ARMC2: variants seen among roughly 807,000 people sequenced by gnomAD.
ARMC2 encodes the protein armadillo repeat-containing protein 2.
Under a neutral mutation model 90.3 loss-of-function variants are expected in ARMC2, and 67 were observed. The ratio of observed to expected loss-of-function variants is 0.74; its 90% confidence interval spans 0.61 to 0.91. The LOEUF is 0.91. Among genes scored for constraint, ARMC2 ranks in the 40% least tolerant of loss-of-function variants. ARMC2 has a pLI of 0.00. For synonymous variants in ARMC2, 393 were observed against 393.0 expected (o/e 1.00, Z 0.00); for missense variants, 920 against 1,030.9 (o/e 0.89, Z 1.47).
chr6:109,008,171 T>G, the ARMC2 span, among the ~76,000 whole-genome samples: 1 of 152,206 alleles, frequency 6.6e-6, no homozygotes, highest in Non-Finnish European at 1.5e-5. Context: ...TCTTTAGAAA[T>G]TCTAGATCTG....
chr6:108,963,438 G>C (rs2128513590), intron 15 of ARMC2, among the ~76,000 whole-genome samples: 1 of 152,204 alleles, frequency 6.6e-6, no homozygotes, highest in East Asian at 1.9e-4. Flanking sequence ...GAGCACATAT[G>C]TACGTGATGT....
chr6:109,031,214 A>G, the ARMC2 span, among the ~76,000 whole-genome samples: 1 of 152,170 alleles, frequency 6.6e-6, no homozygotes, highest in Non-Finnish European at 1.5e-5. Context: ...TAGTAGTGGG[A>G]AACGGTCAGT....
the ARMC2 span, among the ~76,000 whole-genome samples, chr6:108,996,663 T>C: frequency 3.9e-5 from 6 of 152,182 alleles, no homozygotes; most frequent in Admixed American, 1.3e-4. Context: ...TTCATTTTAA[T>C]ATTAAAATGT....
the ARMC2 span, chr6:108,990,885 T>G: frequency 6.8e-7 from 1 of 1,472,396 alleles, no homozygotes; most frequent in Non-Finnish European, 9.4e-7. Flanking sequence ...CAAGTACAGT[T>G]CTATATCTAT....
the ARMC2 span, among the ~76,000 whole-genome samples, chr6:108,980,067 A>G: frequency 6.6e-6 from 1 of 152,014 alleles, no homozygotes; most frequent in African/African-American, 2.4e-5. Flanking sequence ...GGAGGAGAAG[A>G]GGCATTCTTG....
At chr6:108,994,483 T>A in the ARMC2 span, 80 of 1,612,550 alleles carry the variant, frequency 5.0e-5, no homozygotes, top group Non-Finnish European at 6.3e-5. Context: ...ACAAACATAC[T>A]CTCTCTTTTT....
chr6:108,987,840 T>C, the ARMC2 span, among the ~76,000 whole-genome samples: 1 of 149,642 alleles, frequency 6.7e-6, no homozygotes, highest in Non-Finnish European at 1.5e-5. Context: ...ACTTTCACTC[T>C]TTCCCAGGCT....
intron 12 of ARMC2, among the ~76,000 whole-genome samples, chr6:108,946,646 CAG>C (rs971231515): frequency 6.6e-5 from 10 of 152,178 alleles, no homozygotes; most frequent in African/African-American, 2.4e-4. Context: ...ATATTTTAAA[CAG>C]GGTATTTTGA....
chr6:108,992,831 C>G, the ARMC2 span: 15 of 1,613,608 alleles, frequency 9.3e-6, no homozygotes, highest in African/African-American at 5.3e-5. Flanking sequence ...CTAGAGAAAT[C>G]TTTATAGCCA....
Position 108,875,354 on chromosome 6 carries a change from C to T in ARMC2, c.464-789C>T, listed in dbSNP as rs1374693877. 2.0e-5 allele frequency among the ~76,000 whole-genome samples: 3 copies of T among 152,100 alleles called. No homozygotes were observed. The East Asian group carries it at 5.8e-4, about 29-fold the overall frequency. ...TGGGCCTCCACAATCCACCCCTCAC[C>T]CCTCTAATCACCTCTCCTCCTCTTT... On this transcript the variant is annotated intron_variant, in intron 4 of 17. Transcript: ENST00000392644.
chr6:109,031,761 T>G, the ARMC2 span, among the ~76,000 whole-genome samples: 1 of 152,278 alleles, frequency 6.6e-6, no homozygotes, highest in South Asian at 2.1e-4. Context: ...TTAGAGGAAG[T>G]ATAAAGAAGT....
chr6:109,009,472 G>T, the ARMC2 span: 1 of 1,252,930 alleles, frequency 8.0e-7, no homozygotes, highest in Non-Finnish European at 1.0e-6. Context: ...TCGGCGCGGG[G>T]ACGGCTGCGG....
intron 5 of ARMC2, among the ~76,000 whole-genome samples, chr6:108,882,378 T>G (rs1468840454): frequency 6.6e-6 from 1 of 151,068 alleles, no homozygotes; most frequent in Non-Finnish European, 1.5e-5. Context: ...GGCAGAGCTT[T>G]CAGTGAGCCG....
intron 11 of ARMC2, among the ~76,000 whole-genome samples, chr6:108,932,032 TG>T (rs953063560): frequency 6.6e-6 from 1 of 152,046 alleles, no homozygotes; most frequent in African/African-American, 2.4e-5. Flanking sequence ...CCCAAAGTGC[TG>T]GGATTATAGG....
chr6:108,859,780 A>C (rs1775021707), intron 3 of ARMC2, among the ~76,000 whole-genome samples: 1 of 152,110 alleles, frequency 6.6e-6, no homozygotes, highest in Non-Finnish European at 1.5e-5. Context: ...CCAGGCAGGC[A>C]GATCACCTGG....
chr6:109,049,432 A>G, the ARMC2 span, among the ~76,000 whole-genome samples: 1 of 152,138 alleles, frequency 6.6e-6, no homozygotes, highest in Non-Finnish European at 1.5e-5. Context: ...ATACAAAATT[A>G]TAGCTAGATA....
chr6:108,877,348 G>C (rs1463254559), intron 5 of ARMC2, among the ~76,000 whole-genome samples: 1 of 152,182 alleles, frequency 6.6e-6, no homozygotes, highest in Non-Finnish European at 1.5e-5. Flanking sequence ...TAGCTGAACC[G>C]ACCTTGTCTG....
At chr6:109,052,684 T>G in the ARMC2 span, among the ~76,000 whole-genome samples, 3 of 152,226 alleles carry the variant, frequency 2.0e-5, no homozygotes, top group Admixed American at 6.5e-5. Context: ...TTACTGGCAG[T>G]AGATTATTCT....
intron 3 of ARMC2, among the ~76,000 whole-genome samples, chr6:108,868,028 CTT>C: frequency 6.6e-6 from 1 of 152,010 alleles, no homozygotes; most frequent in Non-Finnish European, 1.5e-5. Context: ...TTCCACCTAA[CTT>C]ATTTAAAAAT....
Sources: gnomAD v4.1 joint callset for allele counts (sites outside exome capture counted in the v4.1 genomes callset) on GRCh38, gnomAD v4.1.1 for gene constraint, MANE v1.5 for transcripts, NCBI Gene and HGNC (gene_info 2026-07-23, HGNC 2026-07-21) for gene names.